CSMD1: variants seen among roughly 807,000 people sequenced by gnomAD.
The protein encoded by CSMD1 is CUB and sushi domain-containing protein 1.
A neutral mutation model predicts 417.5 loss-of-function variants in CSMD1; 213 were observed. The ratio of observed to expected loss-of-function variants is 0.51; its 90% CI spans 0.46 to 0.57. The LOEUF is 0.57. Ranked by LOEUF, CSMD1 falls within the 20% of genes least tolerant of loss-of-function variation. The pLI, the probability that CSMD1 is intolerant of heterozygous loss-of-function variation, is 0.00. For synonymous variants in CSMD1, 2,862 were observed against 1,736.8 expected (o/e 1.65, Z -16.11); for missense variants, 6,923 against 4,529.7 (o/e 1.53, Z -15.17).
At chr8:4,338,959 G>C (rs973985181) in intron 3 of CSMD1, among the ~76,000 whole-genome samples, 9 of 152,098 alleles carry the variant, frequency 5.9e-5, no homozygotes, top group Middle Eastern at 3.4e-3. Flanking sequence ...CATAGGTCTG[G>C]GCATACAGTC....
intron 3 of CSMD1, among the ~76,000 whole-genome samples, chr8:4,231,110 A>C (rs1209011494): frequency 1.3e-5 from 2 of 152,220 alleles, no homozygotes; most frequent in Non-Finnish European, 2.9e-5. Context: ...CACCAAGGAT[A>C]TATGTTGAAC....
At chr8:3,303,712 G>T (rs530248112) in intron 25 of CSMD1, among the ~76,000 whole-genome samples, 1 of 152,242 alleles carries the variant, frequency 6.6e-6, no homozygotes, top group African/African-American at 2.4e-5. Context: ...TTATAATGCT[G>T]TTACTTTTGT....
chr8:3,566,456 G>A (rs552169983), intron 10 of CSMD1, among the ~76,000 whole-genome samples: 10 of 152,102 alleles, frequency 6.6e-5, no homozygotes, highest in South Asian at 6.2e-4. Flanking sequence ...CCACCGTACC[G>A]CTCCTCCTGC....
chr8:3,580,658 G>A (rs1563171360), intron 9 of CSMD1, among the ~76,000 whole-genome samples: 1 of 152,142 alleles, frequency 6.6e-6, no homozygotes. Flanking sequence ...TCAGGAAACA[G>A]CAGCAGAAAT....
At chr8:4,609,331 G>T (rs946507173) in intron 2 of CSMD1, among the ~76,000 whole-genome samples, 8 of 152,148 alleles carry the variant, frequency 5.3e-5, no homozygotes, top group African/African-American at 1.4e-4. Flanking sequence ...AGCCTGGGAG[G>T]CAGAGGTTGT....
At chr8:3,557,650 C>T (rs910363260) in intron 10 of CSMD1, among the ~76,000 whole-genome samples, 6 of 152,138 alleles carry the variant, frequency 3.9e-5, no homozygotes, top group Non-Finnish European at 7.3e-5. Flanking sequence ...CTGCCTTCTG[C>T]GGAAATGCTT....
intron 2 of CSMD1, among the ~76,000 whole-genome samples, chr8:4,549,007 AG>A (rs1439705835): frequency 6.6e-6 from 1 of 152,190 alleles, no homozygotes; most frequent in African/African-American, 2.4e-5. Context: ...CAAGTTTATC[AG>A]ATTATGAGTA....
At chr8:2,996,491 G>C (rs1226331684) in intron 54 of CSMD1, among the ~76,000 whole-genome samples, 1 of 152,186 alleles carries the variant, frequency 6.6e-6, no homozygotes, top group African/African-American at 2.4e-5. Flanking sequence ...GGCAGGGTGA[G>C]GCATGTTTGA....
chr8:2,981,469 G>A (rs776084291), intron 54 of CSMD1, among the ~76,000 whole-genome samples: 1 of 152,276 alleles, frequency 6.6e-6, no homozygotes, highest in Non-Finnish European at 1.5e-5. Flanking sequence ...AGGGTAATGC[G>A]TCAGAAAGAA....
At chr8:3,669,493 A>C (rs970177577) in intron 7 of CSMD1, among the ~76,000 whole-genome samples, 1 of 152,140 alleles carries the variant, frequency 6.6e-6, no homozygotes, top group African/African-American at 2.4e-5. Flanking sequence ...ATCCTCTACT[A>C]AATATTGAGA....
chr8:4,414,932 T>A (rs765469774), intron 3 of CSMD1, among the ~76,000 whole-genome samples: 2 of 152,174 alleles, frequency 1.3e-5, no homozygotes, highest in Non-Finnish European at 2.9e-5. Context: ...TAATCCATGT[T>A]CTGTCTTCTC....
intron 3 of CSMD1, among the ~76,000 whole-genome samples, chr8:4,151,724 G>A (rs1452003998): frequency 1.3e-5 from 2 of 152,204 alleles, no homozygotes; most frequent in Non-Finnish European, 2.9e-5. Context: ...TAAATTAACA[G>A]CGGGTAAATA....
chr8:3,536,921 C>G (rs1798225114), intron 10 of CSMD1, among the ~76,000 whole-genome samples: 1 of 152,158 alleles, frequency 6.6e-6, no homozygotes, highest in South Asian at 2.1e-4. Context: ...GTACGATTGC[C>G]CTAGTCGTCA....
chr8:4,399,377 A>G (rs936702435), intron 3 of CSMD1, among the ~76,000 whole-genome samples: 1 of 152,230 alleles, frequency 6.6e-6, no homozygotes, highest in African/African-American at 2.4e-5. Flanking sequence ...AATAATTAGA[A>G]TAGAGTTTCA....
intron 5 of CSMD1, among the ~76,000 whole-genome samples, chr8:3,978,463 G>A (rs145380512): frequency 2.6e-5 from 4 of 151,664 alleles, no homozygotes; most frequent in Non-Finnish European, 5.9e-5. Flanking sequence ...AGGCATTATT[G>A]TAAGAAATCC....
intron 6 of CSMD1, among the ~76,000 whole-genome samples, chr8:3,722,678 A>T (rs551823259): frequency 6.6e-6 from 1 of 152,160 alleles, no homozygotes; most frequent in African/African-American, 2.4e-5. Flanking sequence ...GAGTTCGGTA[A>T]ATTGCCCTAG....
chr8:4,643,369 C>T (rs139335756), intron 1 of CSMD1, among the ~76,000 whole-genome samples: 4 of 152,286 alleles, frequency 2.6e-5, no homozygotes, highest in East Asian at 3.9e-4. Flanking sequence ...TACTTTCTGA[C>T]AGGCAGATTT....
At chr8:3,471,627 T>A (rs1463331240) in intron 11 of CSMD1, among the ~76,000 whole-genome samples, 3 of 134,472 alleles carry the variant, frequency 2.2e-5, no homozygotes, top group Non-Finnish European at 4.8e-5. Context: ...CTTCCCTCCC[T>A]CTCTCCCTCC....
At chr8:3,887,212 C>T (rs1806626422) in intron 5 of CSMD1, among the ~76,000 whole-genome samples, 1 of 152,164 alleles carries the variant, frequency 6.6e-6, no homozygotes, top group Non-Finnish European at 1.5e-5. Flanking sequence ...TCAGCGTCAA[C>T]AAGGAACATC....
Sources: allele counts gnomAD v4.1 joint callset (sites outside exome capture counted in the v4.1 genomes callset), GRCh38; gene constraint gnomAD v4.1.1; transcripts MANE v1.5; gene names NCBI Gene and HGNC (gene_info 2026-07-23, HGNC 2026-07-21).